The following PIEZO2 variants were observed in gnomAD, a reference collection of about 807,000 sequenced individuals.
PIEZO2 encodes piezo type mechanosensitive ion channel component 2.
In PIEZO2, 172 loss-of-function variants were observed where a neutral mutation model predicts 337.3. That is an observed-to-expected ratio of 0.51 (90% CI 0.45 to 0.58). PIEZO2 has a LOEUF of 0.58. Ranked by LOEUF, PIEZO2 falls within the 20% of genes least tolerant of loss-of-function variation. The pLI, the probability that PIEZO2 is intolerant of heterozygous loss-of-function variation, is 0.00. For synonymous variants in PIEZO2, 1,251 were observed against 1,228.5 expected, an observed-to-expected ratio of 1.02 and a Z score of -0.38; for missense variants, 3,028 against 3,391.3, an observed-to-expected ratio of 0.89 and a Z score of 2.66.
intron 1 of PIEZO2, among the ~76,000 whole-genome samples, chr18:11,124,934 GA>G (rs1295467947): frequency 2.0e-5 from 3 of 152,298 alleles, no homozygotes. Flanking sequence ...TACTTGTTGA[GA>G]AAAGCTTTTT....
At chr18:11,030,365 T>C (rs946958093) in intron 2 of PIEZO2, among the ~76,000 whole-genome samples, 3 of 152,170 alleles carry the variant, frequency 2.0e-5, no homozygotes, top group Non-Finnish European at 1.5e-5. Context: ...TTTTTATTAT[T>C]CTCTATAAAA....
intron 2 of PIEZO2, among the ~76,000 whole-genome samples, chr18:10,991,155 T>TACAC (rs374157292): frequency 0.035 from 4,884 of 140,576 alleles, 189 homozygotes; most frequent in African/African-American, 0.093. Flanking sequence ...GAAGGTTTTA[T>TACAC]ACACACACAC....
Position 10,787,199 on chromosome 18 carries a change from T to C in PIEZO2, c.2170-15A>G, listed in dbSNP as rs934167990. On this transcript the variant is annotated splice_polypyrimidine_tract_variant and intron_variant, in intron 15 of 55. Transcript: ENST00000674853. ...TCATAGTGCACCTGCAAATCAGACA[T>C]TGAAAAAAAAAAATGAGAAAAAATC... 8.9e-6 allele frequency: 13 copies of C among 1,463,030 alleles called. No homozygotes were observed. The highest frequency in any genetic ancestry group is 2.9e-5 in the Admixed American group (1 of 35,024). 90.6% of individuals were successfully genotyped at this position (1,463,030 alleles called of 1,614,324 possible). A position where few individuals can be genotyped will look rare whatever the true frequency, so the allele number is the denominator to read the frequency against.
Position 11,032,682 on chromosome 18 carries a change from T to G in PIEZO2, c.160+33445A>C, listed in dbSNP as rs1568313435. ...GCATTTCAGTTTTAAAATGTTACTGTTCACAGTAGCAGAAATCTCTCTATG... is the reference window on the plus strand; with the variant it reads ...GCATTTCAGTTTTAAAATGTTACTGGTCACAGTAGCAGAAATCTCTCTATG... On this transcript the variant is annotated intron_variant, in intron 2 of 55. Transcript: ENST00000674853. The surrounding 1 kb of genome is among the most constrained non-coding windows in gnomAD (Gnocchi z 4.9). Among the ~76,000 whole-genome samples, 1 of 152,220 alleles carries G rather than the reference T, an allele frequency of 6.6e-6. No homozygotes were observed. Among genetic ancestry groups the G allele is most frequent in the Non-Finnish European group, 1.5e-5 (1 of 68,040 alleles).
chr18:10,788,684 C>A (rs2039314003), intron 15 of PIEZO2, among the ~76,000 whole-genome samples: 2 of 152,120 alleles, frequency 1.3e-5, no homozygotes, highest in Non-Finnish European at 2.9e-5. Context: ...ATCAAGTGAT[C>A]CTCCTGCCTT....
In PIEZO2 at chr18:10,691,319, A is replaced by G. The variant is rs1417732202; in HGVS notation, c.7255T>C (p.Ser2419Pro). ...YFVKCVYFGL[S>P]AYQIRCGYPT... ...TAGCCACAACGGATCTGGTAAGCAGACAACCCGAAGTAAACACATTTCACA... is the reference window on the plus strand; with the variant it reads ...TAGCCACAACGGATCTGGTAAGCAGGCAACCCGAAGTAAACACATTTCACA... The change falls in exon 48 of 56, where the codon TCT becomes CCT. Residue 2419 changes from serine (S) to proline (P), a missense_variant. Around this residue, in one of 5 missense-constraint regions of PIEZO2, gnomAD observed 179 missense variants for 281.8 expected, o/e 0.64. Coordinates refer to ENST00000674853, the MANE Select transcript of PIEZO2 (RefSeq NM_001378183.1). The G allele has an allele frequency of 6.2e-7, 1 of 1,614,144 alleles. No homozygotes were observed.
rs182147278 is a variant in PIEZO2 at position 10,903,075 on chromosome 18, G to T, written c.329+8111C>A. ...CAGCTATGGGGAGGCACCAACCCAT[G>T]GGCTGTACTCATTCCAGAATCCTTC... On this transcript the variant is annotated intron_variant, in intron 4 of 55. Coordinates refer to ENST00000674853, the MANE Select transcript of PIEZO2 (RefSeq NM_001378183.1). This position sits in a 1 kb window ranked among gnomAD's most constrained non-coding sequence, Gnocchi z 4.1. Among the ~76,000 whole-genome samples, 5 of 152,192 alleles carry T rather than the reference G, an allele frequency of 3.3e-5. No individual in the cohort carries two copies. In the East Asian group the frequency reaches 7.7e-4, roughly 24 times the overall value.
At chr18:11,008,970 C>A (rs2035806702) in intron 2 of PIEZO2, among the ~76,000 whole-genome samples, 1 of 152,208 alleles carries the variant, frequency 6.6e-6, no homozygotes, top group Non-Finnish European at 1.5e-5. Context: ...ATAGGGGAAA[C>A]AGACGTAGGA....
intron 7 of PIEZO2, among the ~76,000 whole-genome samples, chr18:10,820,123 A>C (rs1038390365): frequency 1.3e-5 from 2 of 151,990 alleles, no homozygotes; most frequent in African/African-American, 4.8e-5. Context: ...CTGATATTCA[A>C]ATTTTTTAAT....
At chr18:11,091,554 A>C (rs958251152) in intron 1 of PIEZO2, among the ~76,000 whole-genome samples, 9 of 152,182 alleles carry the variant, frequency 5.9e-5, no homozygotes, top group Admixed American at 1.3e-4. Flanking sequence ...TTACTTAACA[A>C]ACAAGTGATT....
chr18:10,926,237 C>T lies in PIEZO2; in HGVS notation c.287-15009G>A, dbSNP rs557669788. On this transcript the variant is annotated intron_variant, in intron 3 of 55. Transcript: ENST00000674853. ...CGGGGGAGACCGGGTGTGCTGGAGGCGGTGGCAGCTGCTCGGGATCTCTAC... is the reference window on the plus strand; with the variant it reads ...CGGGGGAGACCGGGTGTGCTGGAGGTGGTGGCAGCTGCTCGGGATCTCTAC... Among the ~76,000 whole-genome samples, 8 of 152,294 alleles carry T rather than the reference C, an allele frequency of 5.3e-5. No homozygotes were observed. The East Asian group carries it at 5.8e-4, about 11-fold the overall frequency.
intron 47 of PIEZO2, among the ~76,000 whole-genome samples, chr18:10,693,356 T>TTGTGTGTGTG (rs1174582024): frequency 0.14 from 12,577 of 89,710 alleles, 609 homozygotes; most frequent in Middle Eastern, 0.24. Flanking sequence ...AATCTGGATT[T>TTGTGTGTGTG]TGTGTGTGTG....
chr18:11,121,372 T>C (rs1172249563), intron 1 of PIEZO2, among the ~76,000 whole-genome samples: 1 of 151,906 alleles, frequency 6.6e-6, no homozygotes, highest in Non-Finnish European at 1.5e-5. Flanking sequence ...CTGGGCAACA[T>C]AGTAGAACCC....
intron 45 of PIEZO2, among the ~76,000 whole-genome samples, chr18:10,697,198 C>T (rs1368954006): frequency 6.6e-6 from 1 of 152,162 alleles, no homozygotes; most frequent in African/African-American, 2.4e-5. Context: ...GCCTTCAGTT[C>T]AACGCCACGT....
At chr18:10,812,573 C>G (rs190860129) in intron 7 of PIEZO2, among the ~76,000 whole-genome samples, 1 of 152,094 alleles carries the variant, frequency 6.6e-6, no homozygotes, top group African/African-American at 2.4e-5. Flanking sequence ...GAGGACATCG[C>G]GACATCAGGA....
rs963923634 is a variant in PIEZO2, at chr18:10,934,000, T to C, written c.287-22772A>G. Among the ~76,000 whole-genome samples, 16 of 152,354 alleles carry C rather than the reference T, an allele frequency of 1.1e-4. No individual in the cohort carries two copies. The East Asian group carries it at 1.5e-3, about 15-fold the overall frequency. ...TGAGTTAATTAACCTCTGTCTGTTA[T>C]AAATTACCAAGTCCAGGGTAAGTCT... On this transcript the variant is annotated intron_variant, in intron 3 of 55. Transcript: ENST00000674853.
intron 1 of PIEZO2, among the ~76,000 whole-genome samples, chr18:11,074,465 C>G (rs1337675171): frequency 6.6e-6 from 1 of 152,144 alleles, no homozygotes; most frequent in East Asian, 1.9e-4. Flanking sequence ...CAACAGCTGA[C>G]AGTAATTCCC....
At position 10,681,593 on chromosome 18, in the gene PIEZO2, A is replaced by C. The variant is rs1470733703; in HGVS notation, c.7779+68T>G. 3.0e-6 allele frequency: 4 copies of C among 1,316,532 alleles called. No individual in the cohort carries two copies. In the East Asian group the frequency reaches 9.2e-5, roughly 30 times the overall value. The allele number at this position is 1,316,532 out of a possible 1,614,324, so 81.6% of individuals were successfully genotyped here. ...CCACCTCAGGCCATGGCAAAGCATT[A>C]AATGACAATGAGTGAACTTCCCTAG... On this transcript the variant is annotated intron_variant, in intron 51 of 55. Coordinates refer to ENST00000674853, the MANE Select transcript of PIEZO2 (RefSeq NM_001378183.1).
At chr18:10,891,272 G>A (rs1205617238) in intron 4 of PIEZO2, among the ~76,000 whole-genome samples, 2 of 152,106 alleles carry the variant, frequency 1.3e-5, no homozygotes, top group Non-Finnish European at 2.9e-5. Context: ...TGCAGTGAGC[G>A]AGATTGCGCT....
Sources: gnomAD v4.1 joint callset for allele counts (sites outside exome capture counted in the v4.1 genomes callset) on GRCh38, gnomAD v4.1.1 for gene constraint, gnomAD v4.1.1 regional missense constraint, Gnocchi (gnomAD v3.1) non-coding constraint, MANE v1.5 for transcripts, NCBI Gene and HGNC (gene_info 2026-07-23, HGNC 2026-07-21) for gene names.